The following ZBTB47 variants were observed in gnomAD, a reference collection of about 807,000 sequenced individuals.
ZBTB47 encodes the protein zinc finger and BTB domain-containing protein 47.
Under a neutral mutation model 56.6 loss-of-function variants are expected in ZBTB47, and 24 were observed. That is an observed-to-expected ratio of 0.42 (90% CI 0.31 to 0.60). The LOEUF (loss-of-function observed/expected upper bound fraction) is 0.60, where lower values mean the gene tolerates loss of function less well. ZBTB47 is among the 20% of genes least tolerant of loss of function. The pLI, the probability that ZBTB47 is intolerant of heterozygous loss-of-function variation, is 0.14. For synonymous variants in ZBTB47, 414 were observed against 418.9 expected (o/e 0.99, Z 0.14); for missense variants, 829 against 1,032.6 (o/e 0.80, Z 2.70).
rs1338576591 is a variant in ZBTB47 at position 42,658,864 on chromosome 3, G to A, written c.509G>A (p.Gly170Glu). Reference protein sequence around the residue: ...PDPYSVRVEDGAGTAGGTVPA... With the variant: ...PDPYSVRVEDEAGTAGGTVPA... ...CCTTACTCGGTGCGTGTTGAGGACG[G>A]GGCAGGGACTGCTGGTGGCACAGTG... The change falls in exon 2 of 6, where the codon GGG (glycine) becomes GAG (glutamate). Residue 170 changes from glycine to glutamate, a missense_variant. Coordinates refer to ENST00000232974, the MANE Select transcript of ZBTB47 (RefSeq NM_145166.4). 1.3e-6 allele frequency: 2 copies of A among 1,524,702 alleles called. No individual in the cohort carries two copies. Among genetic ancestry groups the A allele is most frequent in the South Asian group, 1.2e-5 (1 of 82,380 alleles). The allele number at this position is 1,524,702 out of a possible 1,614,324, so 94.4% of individuals were successfully genotyped here.
At position 42,664,703 on chromosome 3, in the gene ZBTB47, G is replaced by C; in HGVS notation, c.*105G>C. 1 of 1,277,440 alleles carries C rather than the reference G, an allele frequency of 7.8e-7. No individual in the cohort carries two copies. The highest frequency in any genetic ancestry group is 3.2e-5 in the East Asian group (1 of 31,630). The allele number at this position is 1,277,440 out of a possible 1,614,324, so 79.1% of individuals were successfully genotyped here. ...GCACAGTAGTGCGGGCCTGGGCCCTGCTCCACCTCCAGAAGTGGCTGGATG... is the reference window on the plus strand; with the variant it reads ...GCACAGTAGTGCGGGCCTGGGCCCTCCTCCACCTCCAGAAGTGGCTGGATG... On this transcript the variant is annotated 3_prime_UTR_variant, in exon 6 of 6. Transcript: ENST00000232974.
rs898257928 is a variant in ZBTB47, at chr3:42,667,578, G to C, written c.*2980G>C. 6.6e-6 allele frequency among the ~76,000 whole-genome samples: 1 copy of C among 152,246 alleles called. No individual in the cohort carries two copies. Among genetic ancestry groups the C allele is most frequent in the Non-Finnish European group, 1.5e-5 (1 of 68,050 alleles). On this transcript the variant is annotated 3_prime_UTR_variant, in exon 6 of 6. Coordinates refer to ENST00000232974, the MANE Select transcript of ZBTB47 (RefSeq NM_145166.4). ...AAGGGGAATAAAGTCAGTACAACTC[G>C]TGTCCCTTGGCCCAGCCTCTTCTTT...
Position 42,654,549 on chromosome 3 carries a change from C to A in ZBTB47, c.-82+666C>A. The A allele has an allele frequency of 5.8e-6, 2 of 347,046 alleles. No homozygotes were observed. Among genetic ancestry groups the A allele is most frequent in the Non-Finnish European group, 8.1e-6 (2 of 248,222 alleles). 21.5% of individuals were successfully genotyped at this position (347,046 alleles called of 1,614,324 possible). A position where few individuals can be genotyped will look rare whatever the true frequency, so the allele number is the denominator to read the frequency against. On this transcript the variant is annotated intron_variant, in intron 1 of 5. Coordinates refer to ENST00000232974, the MANE Select transcript of ZBTB47 (RefSeq NM_145166.4). The surrounding 1 kb of genome is among the most constrained non-coding windows in gnomAD (Gnocchi z 5.0). ...CGCCGCGGCCCTGCGCCTCCGCCTG[C>A]CTGGCCGCGCCCCCGGGGGCCATGG...
At position 42,654,970 on chromosome 3, in the gene ZBTB47, G is replaced by A. The variant is rs1048037790; in HGVS notation, c.-82+1087G>A. Among the ~76,000 whole-genome samples the A allele has an allele frequency of 6.6e-6, 1 of 152,070 alleles. No homozygotes were observed. Among genetic ancestry groups the A allele is most frequent in the Non-Finnish European group, 1.5e-5 (1 of 67,966 alleles). ...CGAAGGGGGGCGCTCCCCTGCGCCCGGACGGCGCCGCCCTCGGGCTGGGTA... is the reference window on the plus strand; with the variant it reads ...CGAAGGGGGGCGCTCCCCTGCGCCCAGACGGCGCCGCCCTCGGGCTGGGTA... On this transcript the variant is annotated intron_variant, in intron 1 of 5. Coordinates refer to ENST00000232974, the MANE Select transcript of ZBTB47 (RefSeq NM_145166.4). This position sits in a 1 kb window ranked among gnomAD's most constrained non-coding sequence, Gnocchi z 5.0.
intron 2 of ZBTB47, 53 bp from the exon 3 acceptor site, chr3:42,661,432 T>G: frequency 1.9e-6 from 3 of 1,590,994 alleles, no homozygotes; most frequent in Non-Finnish European, 2.6e-6. Context: ...CTTGCCCAAG[T>G]CCAAGACCCT....
At chr3:42,661,915 G>C (rs77688187) in intron 3 of ZBTB47, among the ~76,000 whole-genome samples, 1 of 152,242 alleles carries the variant, frequency 6.6e-6, no homozygotes, top group South Asian at 2.1e-4. Context: ...TAACCAGGCT[G>C]TGCATCCTGG....
intron 3 of ZBTB47, among the ~76,000 whole-genome samples, chr3:42,662,355 T>C (rs1357059983): frequency 6.6e-6 from 1 of 152,228 alleles, no homozygotes; most frequent in Non-Finnish European, 1.5e-5. Context: ...GACTGGAAGC[T>C]GGGACCCTGC....
chr3:42,653,365 A>G (rs1029610542), upstream of ZBTB47, among the ~76,000 whole-genome samples: 1 of 152,206 alleles, frequency 6.6e-6, no homozygotes, highest in African/African-American at 2.4e-5. Context: ...ATGGACTTGT[A>G]TGTAAACACA....
chr3:42,659,636 G>A lies in ZBTB47; in HGVS notation c.1281G>A (p.Lys427=). Residue 427 remains lysine, a synonymous_variant, in exon 2 of 6, where the codon AAG becomes AAA. Coordinates refer to ENST00000232974, the MANE Select transcript of ZBTB47 (RefSeq NM_145166.4). The stretch of plus-strand genomic sequence containing the variant: ...CAGCCACTGATGGGCTGGGGGCCAA[G>A]GTGAAGCTGGAGGAGAAGCAGCACC... The part of the protein sequence containing the change: ...GPPATDGLGA[K]VKLEEKQHHP... 6.2e-7 allele frequency: 1 copy of A among 1,611,642 alleles called. No individual in the cohort carries two copies. Among genetic ancestry groups the A allele is most frequent in the Non-Finnish European group, 8.5e-7 (1 of 1,179,060 alleles).
intron 3 of ZBTB47, among the ~76,000 whole-genome samples, chr3:42,662,604 A>T (rs1710734101): frequency 6.6e-6 from 1 of 152,204 alleles, no homozygotes; most frequent in African/African-American, 2.4e-5. Flanking sequence ...GAAGCTCAGG[A>T]CCACTATGAG....
Position 42,659,192 on chromosome 3 carries a change from G to A in ZBTB47, c.837G>A (p.Glu279=). 3.3e-6 allele frequency: 5 copies of A among 1,525,072 alleles called. No homozygotes were observed. Among genetic ancestry groups the A allele is most frequent in the Non-Finnish European group, 4.4e-6 (5 of 1,140,590 alleles). 94.5% of individuals were successfully genotyped at this position (1,525,072 alleles called of 1,614,324 possible). Residue 279 remains glutamate (E), a synonymous_variant, in exon 2 of 6, where the codon GAG becomes GAA. Transcript: ENST00000232974. The part of the protein sequence containing the change: ...EDGLQRHSDE[E]EEDDEEEEEE... ...GGCTGCAGAGACACTCGGACGAGGA[G>A]GAGGAGGACGACGAGGAGGAGGAGG...
Position 42,663,715 on chromosome 3 carries a change from G to C in ZBTB47, c.1738-82G>C, listed in dbSNP as rs1451154025. ...CCTGAGTGTGTCCCTCCTTGGCCCT[G>C]TGGCCACAGGGGAGCTGTTCCCTCC... On this transcript the variant is annotated intron_variant, in intron 4 of 5. Transcript: ENST00000232974. The surrounding 1 kb of genome is among the most constrained non-coding windows in gnomAD (Gnocchi z 5.1). 2 of 1,551,822 alleles carry C rather than the reference G, an allele frequency of 1.3e-6. No individual in the cohort carries two copies. Among genetic ancestry groups the C allele is most frequent in the African/African-American group, 2.7e-5 (2 of 73,692 alleles).
At position 42,664,515 on chromosome 3, in the gene ZBTB47, C is replaced by T; in HGVS notation, c.2161C>T (p.Pro721Ser). The change falls in exon 6 of 6, where the codon CCG becomes TCG. Residue 721 changes from proline to serine, a missense_variant. Transcript: ENST00000232974. ...GCTCCCGGGGCTGCCCCAGACCCTG[C>T]CGCCCCCGCCCCACCTGCCGCCCCC... is the stretch of plus-strand genomic sequence containing the variant. ...PLLPGLPQTL[P>S]PPPHLPPPPP... 2 of 767,422 alleles carry T rather than the reference C, an allele frequency of 2.6e-6. No homozygotes were observed. Among genetic ancestry groups the T allele is most frequent in the Non-Finnish European group, 3.6e-6 (2 of 554,296 alleles). The allele number at this position is 767,422 out of a possible 1,614,324, so 47.5% of individuals were successfully genotyped here.
At chr3:42,659,948 A>G (rs1287374377) in intron 2 of ZBTB47, 120 bp downstream of exon 2, 6 of 1,370,286 alleles carry the variant, frequency 4.4e-6, no homozygotes, top group Non-Finnish European at 4.8e-6. Context: ...CGGAGACCAG[A>G]CTTAGCCCCC....
At position 42,663,283 on chromosome 3, in the gene ZBTB47, C is replaced by G. The variant is rs1412023375; in HGVS notation, c.1737+156C>G. On this transcript the variant is annotated intron_variant, in intron 4 of 5. Transcript: ENST00000232974. The surrounding 1 kb of genome is among the most constrained non-coding windows in gnomAD (Gnocchi z 5.1). ...TCTGAGGTCTGCAGCCCCTGCCTCC[C>G]ACTCCCACCCAGCCCCTACTCTTCT... 6.6e-6 allele frequency among the ~76,000 whole-genome samples: 1 copy of G among 152,076 alleles called. No homozygotes were observed. The highest frequency in any genetic ancestry group is 1.5e-5 in the Non-Finnish European group (1 of 67,984).
At position 42,664,439 on chromosome 3, in the gene ZBTB47, C is replaced by G. The variant is rs1387272547; in HGVS notation, c.2085C>G (p.Pro695=). 1 of 1,534,088 alleles carries G rather than the reference C, an allele frequency of 6.5e-7. No homozygotes were observed. The highest frequency in any genetic ancestry group is 8.7e-7 in the Non-Finnish European group (1 of 1,143,202). Residue 695 remains proline, a synonymous_variant, in exon 6 of 6, where the codon CCC becomes CCG. Transcript: ENST00000232974. Reference sequence around the variant, plus strand: ...ACACCCTGGCCGGCGACGGCGTCCCCGCTGCCCCAGGCCTGCCCCCAACCC... The same window carrying G: ...ACACCCTGGCCGGCGACGGCGTCCCGGCTGCCCCAGGCCTGCCCCCAACCC... ...VSHTLAGDGV[P]AAPGLPPTQP...
chr3:42,661,898 A>C (rs1398917765), intron 3 of ZBTB47, among the ~76,000 whole-genome samples: 1 of 152,244 alleles, frequency 6.6e-6, no homozygotes, highest in African/African-American at 2.4e-5. Flanking sequence ...TCAAGCTGGC[A>C]CACTGCTAAC....
At position 42,653,815 on chromosome 3, in the gene ZBTB47, C is replaced by G. The variant is rs950986455; in HGVS notation, c.-150C>G. On this transcript the variant is annotated 5_prime_UTR_variant, in exon 1 of 6. The change creates a new upstream start codon in the 5' untranslated region. Coordinates refer to ENST00000232974, the MANE Select transcript of ZBTB47 (RefSeq NM_145166.4). ...GGCCAGTCACCTTAGATGATTTGATCGCTGCGGTTGTAGTCCTGGGATTTA... is the reference window on the plus strand; with the variant it reads ...GGCCAGTCACCTTAGATGATTTGATGGCTGCGGTTGTAGTCCTGGGATTTA... The G allele has an allele frequency of 6.6e-6, 1 of 152,478 alleles. No individual in the cohort carries two copies. Among genetic ancestry groups the G allele is most frequent in the African/African-American group, 2.4e-5 (1 of 41,472 alleles). 9.4% of individuals were successfully genotyped at this position (152,478 alleles called of 1,614,324 possible).
chr3:42,659,973 A>G (rs1577627303), intron 2 of ZBTB47, 145 bp downstream of exon 2: 7 of 1,258,940 alleles, frequency 5.6e-6, no homozygotes, highest in Middle Eastern at 2.8e-4. Flanking sequence ...AGGCTGGCCC[A>G]GGCCCAGTTC....
Sources: allele counts gnomAD v4.1 joint callset (sites outside exome capture counted in the v4.1 genomes callset), GRCh38; gene constraint gnomAD v4.1.1; non-coding constraint Gnocchi (gnomAD v3.1); transcripts MANE v1.5; gene names NCBI Gene and HGNC (gene_info 2026-07-23, HGNC 2026-07-21).